The following MGAT4C variants were observed in gnomAD, a reference collection of about 807,000 sequenced individuals.
The protein encoded by MGAT4C is alpha-1,3-mannosyl-glycoprotein 4-beta-N-acetylglucosaminyltransferase C.
Under a neutral mutation model 40.1 loss-of-function variants are expected in MGAT4C, and 19 were observed. That is an observed-to-expected ratio of 0.47 (90% CI 0.33 to 0.70). MGAT4C has a LOEUF of 0.70. Among genes scored for constraint, MGAT4C ranks in the 30% least tolerant of loss-of-function variants. The probability of loss-of-function intolerance (pLI) is 0.02; values close to 1 mark genes in which losing one functional copy is unlikely to be tolerated. For synonymous variants in MGAT4C, 181 were observed against 187.1 expected (o/e 0.97, Z 0.27); for missense variants, 491 against 563.2 (o/e 0.87, Z 1.30).
At chr12:86,625,107 G>C (rs1479240375) in intron 2 of MGAT4C, among the ~76,000 whole-genome samples, 1 of 151,874 alleles carries the variant, frequency 6.6e-6, no homozygotes, top group African/African-American at 2.4e-5. Flanking sequence ...GATTTTAATG[G>C]GCTATTCATA....
intron 2 of MGAT4C, among the ~76,000 whole-genome samples, chr12:86,601,649 C>T (rs940464351): frequency 6.6e-6 from 1 of 152,138 alleles, no homozygotes; most frequent in Non-Finnish European, 1.5e-5. Flanking sequence ...GTAACATTTC[C>T]CTGCTGGCTC....
At chr12:86,607,712 C>T (rs2136469703) in intron 2 of MGAT4C, among the ~76,000 whole-genome samples, 1 of 152,252 alleles carries the variant, frequency 6.6e-6, no homozygotes, top group East Asian at 1.9e-4. Flanking sequence ...AAATCCACTT[C>T]AGTCCATTTT....
chr12:86,548,842 TG>T (rs1389661130), intron 2 of MGAT4C, among the ~76,000 whole-genome samples: 1 of 152,226 alleles, frequency 6.6e-6, no homozygotes, highest in Non-Finnish European at 1.5e-5. Flanking sequence ...GTGTATAGAA[TG>T]CTATAATCAA....
At chr12:86,742,762 G>T (rs1488950767) in intron 1 of MGAT4C, among the ~76,000 whole-genome samples, 2 of 150,826 alleles carry the variant, frequency 1.3e-5, no homozygotes, top group Non-Finnish European at 3.0e-5. Flanking sequence ...TAATATAATT[G>T]TAAATAAATA....
chr12:86,567,198 C>T (rs895022742), intron 2 of MGAT4C, among the ~76,000 whole-genome samples: 5 of 152,028 alleles, frequency 3.3e-5, no homozygotes, highest in East Asian at 1.9e-4. Context: ...GGGTAGAAGT[C>T]GAAGTGACAC....
At chr12:86,047,958 C>CAT (rs10689375) in intron 2 of MGAT4C, among the ~76,000 whole-genome samples, 117,849 of 151,676 alleles carry the variant, frequency 0.78, 46,125 homozygotes, top group East Asian at 0.97. Context: ...AAAACACACA[C>CAT]GGAAAATAAT....
At chr12:86,059,906 C>T (rs1392995891) in intron 1 of MGAT4C, among the ~76,000 whole-genome samples, 2 of 152,036 alleles carry the variant, frequency 1.3e-5, no homozygotes, top group African/African-American at 4.8e-5. Context: ...CTGAAACTAA[C>T]CAGAGGAATA....
intron 3 of MGAT4C, among the ~76,000 whole-genome samples, chr12:86,365,101 C>T (rs1233017627): frequency 2.0e-5 from 3 of 152,040 alleles, no homozygotes; most frequent in Non-Finnish European, 2.9e-5. Context: ...AAAAGACGGC[C>T]GCCCCCTGAA....
chr12:86,499,197 G>A (rs1183515129), intron 2 of MGAT4C, among the ~76,000 whole-genome samples: 2 of 151,712 alleles, frequency 1.3e-5, no homozygotes, highest in Admixed American at 1.3e-4. Context: ...TGTTACGGTG[G>A]GGTTAAAAGT....
intron 2 of MGAT4C, among the ~76,000 whole-genome samples, chr12:86,542,989 G>C (rs1362163207): frequency 3.9e-5 from 6 of 151,902 alleles, no homozygotes; most frequent in African/African-American, 1.5e-4. Context: ...AATCATTAAA[G>C]CCTCCCATTA....
intron 2 of MGAT4C, among the ~76,000 whole-genome samples, chr12:86,660,667 C>T (rs1963959093): frequency 6.6e-6 from 1 of 152,018 alleles, no homozygotes. Context: ...AGGACAGGTA[C>T]CCTAGAGGAC....
chr12:86,697,040 A>G (rs1014332167), intron 2 of MGAT4C, among the ~76,000 whole-genome samples: 4 of 152,236 alleles, frequency 2.6e-5, no homozygotes, highest in African/African-American at 4.8e-5. Flanking sequence ...ATAGAACTGA[A>G]ATATGCATAG....
intron 1 of MGAT4C, among the ~76,000 whole-genome samples, chr12:86,740,245 T>C (rs1951047685): frequency 6.6e-6 from 1 of 151,200 alleles, no homozygotes; most frequent in Admixed American, 6.6e-5. Context: ...AGAATCTTTT[T>C]TTCTTTGAAA....
At chr12:86,373,178 C>T (rs965515363) in intron 3 of MGAT4C, among the ~76,000 whole-genome samples, 2 of 151,880 alleles carry the variant, frequency 1.3e-5, no homozygotes, top group African/African-American at 2.4e-5. Context: ...CTGCGTTCCT[C>T]ATCTTGGTAA....
chr12:86,586,877 G>A (rs1384354164), intron 2 of MGAT4C, among the ~76,000 whole-genome samples: 6 of 151,954 alleles, frequency 3.9e-5, no homozygotes, highest in East Asian at 3.9e-4. Context: ...AGTAGGTTGC[G>A]AAAATTTTCT....
intron 2 of MGAT4C, among the ~76,000 whole-genome samples, chr12:86,622,892 T>G (rs953903448): frequency 1.3e-5 from 2 of 152,070 alleles, no homozygotes; most frequent in Non-Finnish European, 2.9e-5. Context: ...TATATTTCAC[T>G]TCATCAAAAA....
rs1884418607 is a variant in MGAT4C at position 85,980,297 on chromosome 12, G to A, written c.429C>T (p.Asp143=). The A allele has an allele frequency of 1.9e-6, 3 of 1,613,966 alleles. 1 individual carries two copies. The change falls in exon 5 of 5, where the codon GAC becomes GAT. Residue 143 remains aspartate (D), a synonymous_variant. Coordinates refer to ENST00000611864, the MANE Select transcript of MGAT4C (RefSeq NM_001351288.2). ...TGGCATCACGCCAGGAAGAATTAAA[G>A]TCTGCTAGGTGAACCACCACTGAAA... is the stretch of plus-strand genomic sequence containing the variant. ...KEISVVVHLA[D]FNSSWRDAMV...
At chr12:86,546,896 G>A (rs1201195269) in intron 2 of MGAT4C, among the ~76,000 whole-genome samples, 1 of 151,986 alleles carries the variant, frequency 6.6e-6, no homozygotes, top group Non-Finnish European at 1.5e-5. Context: ...AGGGGAAAAT[G>A]TAGGAGAAAA....
chr12:86,290,688 C>A (rs1953488242), intron 4 of MGAT4C, among the ~76,000 whole-genome samples: 1 of 151,168 alleles, frequency 6.6e-6, no homozygotes, highest in South Asian at 2.1e-4. Flanking sequence ...GTATATATCG[C>A]CTCTGAAGCT....
Sources: gnomAD v4.1 joint callset for allele counts (sites outside exome capture counted in the v4.1 genomes callset) on GRCh38, gnomAD v4.1.1 for gene constraint, MANE v1.5 for transcripts, NCBI Gene and HGNC (gene_info 2026-07-23, HGNC 2026-07-21) for gene names.